FAT3: variants seen among roughly 807,000 people sequenced by gnomAD.
FAT3 encodes the protein protocadherin Fat 3.
Under a neutral mutation model 310.2 loss-of-function variants are expected in FAT3, and 95 were observed. That is an observed-to-expected ratio of 0.31 (90% CI 0.26 to 0.36). FAT3 has a LOEUF of 0.36. Among genes scored for constraint, FAT3 ranks in the 10% least tolerant of loss-of-function variants. The pLI is 1.00. For synonymous variants in FAT3, 2,314 were observed against 2,192.9 expected, an observed-to-expected ratio of 1.06 and a Z score of -1.54; for missense variants, 5,408 against 5,715.6, an observed-to-expected ratio of 0.95 and a Z score of 1.74.
At chr11:92,531,845 A>G (rs2135385434) in intron 3 of FAT3, among the ~76,000 whole-genome samples, 1 of 152,152 alleles carries the variant, frequency 6.6e-6, no homozygotes, top group Admixed American at 6.5e-5. Context: ...TTTTGGTCAC[A>G]TAATTCTTCG....
At chr11:92,652,465 T>C (rs1385477294) in intron 3 of FAT3, among the ~76,000 whole-genome samples, 1 of 152,134 alleles carries the variant, frequency 6.6e-6, no homozygotes, top group Non-Finnish European at 1.5e-5. Context: ...TACGGAAAAA[T>C]CTGGCCCACA....
intron 4 of FAT3, among the ~76,000 whole-genome samples, chr11:92,704,885 A>T (rs1420272318): frequency 1.3e-5 from 2 of 152,108 alleles, no homozygotes; most frequent in East Asian, 3.9e-4. Context: ...AATGCATCAG[A>T]CTTTATTAGG....
At chr11:92,254,156 C>A (rs1031302043) in intron 1 of FAT3, among the ~76,000 whole-genome samples, 1 of 152,108 alleles carries the variant, frequency 6.6e-6, no homozygotes, top group Non-Finnish European at 1.5e-5. Context: ...GTATACTGTG[C>A]TCCCTAGAAG....
intron 1 of FAT3, among the ~76,000 whole-genome samples, chr11:92,286,180 G>A (rs1946558457): frequency 2.0e-5 from 3 of 152,140 alleles, no homozygotes; most frequent in Non-Finnish European, 2.9e-5. Context: ...TGCCAGTGAT[G>A]CTTTGTCATT....
chr11:92,357,882 T>C (rs903387237), intron 2 of FAT3, among the ~76,000 whole-genome samples: 1 of 151,914 alleles, frequency 6.6e-6, no homozygotes, highest in Admixed American at 6.6e-5. Flanking sequence ...AAAAAAACTT[T>C]TATTGGTCAG....
intron 3 of FAT3, among the ~76,000 whole-genome samples, chr11:92,653,869 C>G (rs1038578868): frequency 6.6e-6 from 1 of 152,166 alleles, no homozygotes. Context: ...CAGGGTCTCT[C>G]GTGGTTCTAG....
intron 3 of FAT3, among the ~76,000 whole-genome samples, chr11:92,645,292 T>C (rs1942108569): frequency 6.6e-6 from 1 of 152,172 alleles, no homozygotes; most frequent in Non-Finnish European, 1.5e-5. Flanking sequence ...CAAAAGACCA[T>C]CTGGTCCTTA....
At chr11:92,491,226 G>T (rs112123095) in intron 2 of FAT3, among the ~76,000 whole-genome samples, 2 of 151,958 alleles carry the variant, frequency 1.3e-5, no homozygotes, top group African/African-American at 4.8e-5. Context: ...CTCTCAGCTG[G>T]TGCCAATTCT....
At chr11:92,636,502 T>C (rs1000466093) in intron 3 of FAT3, among the ~76,000 whole-genome samples, 10 of 152,240 alleles carry the variant, frequency 6.6e-5, no homozygotes, top group Non-Finnish European at 4.4e-5. Context: ...TGGTAGAATT[T>C]AGACAAATTA....
At chr11:92,284,930 C>A (rs999003965) in intron 1 of FAT3, among the ~76,000 whole-genome samples, 1 of 152,100 alleles carries the variant, frequency 6.6e-6, no homozygotes, top group Non-Finnish European at 1.5e-5. Flanking sequence ...TCAGGGACAT[C>A]AGAAACAGGA....
At chr11:92,428,452 A>C (rs1950689620) in intron 2 of FAT3, among the ~76,000 whole-genome samples, 1 of 151,374 alleles carries the variant, frequency 6.6e-6, no homozygotes, top group Admixed American at 6.6e-5. Context: ...TTGCTTCTCT[A>C]GTTCTTTCAA....
At chr11:92,562,721 G>A (rs1408591072) in intron 3 of FAT3, among the ~76,000 whole-genome samples, 1 of 152,132 alleles carries the variant, frequency 6.6e-6, no homozygotes, top group Non-Finnish European at 1.5e-5. Flanking sequence ...CCTGGAGTTT[G>A]AAGGCCCAAG....
chr11:92,480,126 G>A (rs573533401), intron 2 of FAT3, among the ~76,000 whole-genome samples: 16 of 152,168 alleles, frequency 1.1e-4, no homozygotes, highest in African/African-American at 2.6e-4. Context: ...TTAGCCGGGC[G>A]TGGTGGCGGG....
intron 2 of FAT3, among the ~76,000 whole-genome samples, chr11:92,416,843 C>T (rs937473491): frequency 3.3e-5 from 5 of 152,150 alleles, no homozygotes; most frequent in Non-Finnish European, 5.9e-5. Flanking sequence ...TTTACAGATG[C>T]AGATCTGTCC....
At chr11:92,649,610 T>C (rs1791198768) in intron 3 of FAT3, among the ~76,000 whole-genome samples, 2 of 152,082 alleles carry the variant, frequency 1.3e-5, no homozygotes, top group South Asian at 4.2e-4. Context: ...GGAGTTTTGA[T>C]TGTGCCTCAG....
intron 1 of FAT3, among the ~76,000 whole-genome samples, chr11:92,260,818 T>A (rs372532597): frequency 6.6e-5 from 10 of 152,052 alleles, no homozygotes; most frequent in African/African-American, 1.9e-4. Flanking sequence ...CTTTAGAACA[T>A]CCTTTAATAC....
intron 21 of FAT3, among the ~76,000 whole-genome samples, chr11:92,860,612 C>T (rs974038806): frequency 6.6e-6 from 1 of 152,180 alleles, no homozygotes; most frequent in Non-Finnish European, 1.5e-5. Flanking sequence ...GGCAAGAAAT[C>T]TTTTTCTTCC....
At chr11:92,417,004 A>G (rs1950431837) in intron 2 of FAT3, among the ~76,000 whole-genome samples, 1 of 152,194 alleles carries the variant, frequency 6.6e-6, no homozygotes, top group Admixed American at 6.5e-5. Context: ...GTCAGACAGG[A>G]CAAAATCAGG....
chr11:92,485,994 A>G (rs2135212869), intron 2 of FAT3, among the ~76,000 whole-genome samples: 1 of 152,264 alleles, frequency 6.6e-6, no homozygotes, highest in South Asian at 2.1e-4. Context: ...TAGATTTCAT[A>G]CAGAGAGCTA....
Sources: allele counts gnomAD v4.1 joint callset (sites outside exome capture counted in the v4.1 genomes callset), GRCh38; gene constraint gnomAD v4.1.1; transcripts MANE v1.5; gene names NCBI Gene and HGNC (gene_info 2026-07-23, HGNC 2026-07-21).